The following GAS7 variants were observed in gnomAD, a reference collection of about 807,000 sequenced individuals.
GAS7 encodes the protein growth arrest-specific protein 7.
GAS7 carries 28 observed loss-of-function variants against 71.1 expected under a neutral mutation model. That is an observed-to-expected ratio of 0.39 (90% CI 0.29 to 0.54). The LOEUF (loss-of-function observed/expected upper bound fraction) is 0.54. Among genes scored for constraint, GAS7 ranks in the 20% least tolerant of loss-of-function variants. GAS7 has a pLI of 0.62. For missense variants in GAS7, 436 were observed against 627.8 expected (o/e 0.69, Z 3.27); for synonymous variants, 258 against 245.8 (o/e 1.05, Z -0.46).
At chr17:9,917,388 G>C in intron 13 of GAS7, 47 bp from the exon 14 acceptor site, 2 of 1,291,110 alleles carry the variant, frequency 1.5e-6, no homozygotes, top group Non-Finnish European at 2.3e-6. Flanking sequence ...CGGCGGCCAA[G>C]CCAGGGAGGT....
intron 1 of GAS7, among the ~76,000 whole-genome samples, chr17:10,187,768 G>A (rs1288806951): frequency 6.6e-6 from 1 of 152,112 alleles, no homozygotes; most frequent in African/African-American, 2.4e-5. Flanking sequence ...ATATTTATAA[G>A]AATGCAGTCC....
At chr17:10,170,406 T>C (rs2074327395) in intron 1 of GAS7, among the ~76,000 whole-genome samples, 1 of 151,702 alleles carries the variant, frequency 6.6e-6, no homozygotes, top group African/African-American at 2.4e-5. Flanking sequence ...ACTGACCTCC[T>C]TGCTGTTCCC....
intron 1 of GAS7, among the ~76,000 whole-genome samples, chr17:10,098,221 G>T (rs187576196): frequency 2.6e-5 from 4 of 152,092 alleles, no homozygotes; most frequent in African/African-American, 9.7e-5. Context: ...CTGGAGCCGC[G>T]GGCTACAAGG....
chr17:9,993,850 A>G (rs920598493), intron 2 of GAS7, among the ~76,000 whole-genome samples: 2 of 152,166 alleles, frequency 1.3e-5, no homozygotes, highest in African/African-American at 4.8e-5. Flanking sequence ...TACAAAATCA[A>G]TGTACAAAAA....
rs144516827 is a variant in GAS7 at position 9,948,404 on chromosome 17, G to A, written c.526-1421C>T. 3.5e-3 allele frequency among the ~76,000 whole-genome samples: 527 copies of A among 152,332 alleles called. 2 individuals carry two copies. The highest frequency in any genetic ancestry group is 0.012 in the African/African-American group (493 of 41,570). On this transcript the variant is annotated intron_variant, in intron 5 of 13. Coordinates refer to ENST00000432992, the MANE Select transcript of GAS7 (RefSeq NM_201433.2). ...ACACCTTAAAATTATAATCTGGGGG[G>A]CCGGGCACGGCAGTTCACGCCTGTA... is the stretch of plus-strand genomic sequence containing the variant.
intron 1 of GAS7, among the ~76,000 whole-genome samples, chr17:10,170,807 A>G (rs942256859): frequency 7.9e-5 from 12 of 152,226 alleles, no homozygotes; most frequent in Non-Finnish European, 1.8e-4. Context: ...CCAATGAGAA[A>G]GAAAGTGGCC....
intron 1 of GAS7, among the ~76,000 whole-genome samples, chr17:10,102,791 C>T (rs936303414): frequency 6.6e-6 from 1 of 151,830 alleles, no homozygotes; most frequent in Non-Finnish European, 1.5e-5. Context: ...TTTATGTTCC[C>T]CAGATAATTC....
At chr17:10,160,590 G>A (rs1183502910) in intron 1 of GAS7, among the ~76,000 whole-genome samples, 1 of 152,160 alleles carries the variant, frequency 6.6e-6, no homozygotes, top group Non-Finnish European at 1.5e-5. Context: ...CCAAACCTCT[G>A]TAATCTCACC....
chr17:9,991,264 C>G (rs1215155352), intron 2 of GAS7, among the ~76,000 whole-genome samples: 1 of 152,134 alleles, frequency 6.6e-6, no homozygotes, highest in East Asian at 1.9e-4. Flanking sequence ...TGAAGGGGGG[C>G]TAGAATGCCT....
chr17:9,930,745 T>C (rs1228235668), intron 9 of GAS7, among the ~76,000 whole-genome samples: 1 of 152,238 alleles, frequency 6.6e-6, no homozygotes, highest in East Asian at 1.9e-4. Flanking sequence ...AAAACGGTTT[T>C]TGGCATATGG....
intron 1 of GAS7, among the ~76,000 whole-genome samples, chr17:10,039,360 G>A (rs2072818307): frequency 6.6e-6 from 1 of 152,090 alleles, no homozygotes; most frequent in Admixed American, 6.6e-5. Flanking sequence ...CAGCCTCTTG[G>A]CAATGGTGAA....
intron 3 of GAS7, among the ~76,000 whole-genome samples, chr17:9,980,798 G>A (rs77245386): frequency 0.02 from 3,027 of 152,276 alleles, 95 homozygotes; most frequent in African/African-American, 0.07. Flanking sequence ...AATAGCATGC[G>A]GCTGAGATCT....
intron 1 of GAS7, among the ~76,000 whole-genome samples, chr17:10,050,207 A>T (rs2152235580): frequency 6.6e-6 from 1 of 152,284 alleles, no homozygotes; most frequent in African/African-American, 2.4e-5. Flanking sequence ...ATCACATTTG[A>T]CATCCCCTAA....
chr17:10,042,321 T>G (rs574943007), intron 1 of GAS7, among the ~76,000 whole-genome samples: 1 of 146,816 alleles, frequency 6.8e-6, no homozygotes, highest in Non-Finnish European at 1.5e-5. Context: ...AAAAAGATAA[T>G]TAATAAGAAA....
At chr17:9,979,354 A>T (rs897163921) in intron 3 of GAS7, among the ~76,000 whole-genome samples, 50 of 152,032 alleles carry the variant, frequency 3.3e-4, no homozygotes, top group Admixed American at 5.9e-4. Flanking sequence ...CATGCGGGCA[A>T]TTCTCATCTC....
chr17:10,198,361 G>C lies in GAS7; in HGVS notation c.30C>G (p.Tyr10Ter), dbSNP rs370392546. ...GGCCGTGCCGCTCCCCGGAGAAGGG[G>C]TACAGGGTCCGGCAGCGAGCGCCGG... MSGARCRTL[Y>*]PFSGERHGQG... The change falls in exon 1 of 14, where the codon TAC becomes TAG. Residue 10 changes from tyrosine (Y) to a stop codon, truncating the protein, a stop_gained. Coordinates refer to ENST00000432992, the MANE Select transcript of GAS7 (RefSeq NM_201433.2). LOFTEE classifies it high-confidence loss of function. The C allele has an allele frequency of 6.3e-7, 1 of 1,595,882 alleles. No individual in the cohort carries two copies. Among genetic ancestry groups the C allele is most frequent in the Non-Finnish European group, 8.5e-7 (1 of 1,177,856 alleles).
At chr17:10,120,098 C>CCCCCTG (rs1230215147) in intron 1 of GAS7, among the ~76,000 whole-genome samples, 3 of 151,882 alleles carry the variant, frequency 2.0e-5, no homozygotes, top group African/African-American at 7.3e-5. Flanking sequence ...TCATGCCTGT[C>CCCCCTG]CCCCTGCCCC....
intron 3 of GAS7, among the ~76,000 whole-genome samples, chr17:9,971,672 C>T (rs896656737): frequency 1.1e-4 from 16 of 152,244 alleles, no homozygotes; most frequent in African/African-American, 3.4e-4. Flanking sequence ...GAGACCAGGA[C>T]GATGCGCCAT....
In GAS7 at chr17:10,112,775, AAGAG is replaced by A. The variant is rs1273857826; in HGVS notation, c.183+85429_183+85432del. Among the ~76,000 whole-genome samples, 4 of 150,932 alleles carry A rather than the reference AAGAG, an allele frequency of 2.7e-5. 1 individual carries two copies. The highest frequency in any genetic ancestry group is 9.7e-5 in the African/African-American group (4 of 41,336). On this transcript the variant is annotated intron_variant, in intron 1 of 13. Coordinates refer to ENST00000432992, the MANE Select transcript of GAS7 (RefSeq NM_201433.2). ...AAAGAAAAGAAAAAAGAAAGAAAGA[AAGAG>A]AGAAAGAGAAAGAAAGAAAAGAAAA... is the stretch of plus-strand genomic sequence containing the variant.
Sources: allele counts gnomAD v4.1 joint callset (sites outside exome capture counted in the v4.1 genomes callset), GRCh38; gene constraint gnomAD v4.1.1; transcripts MANE v1.5; gene names NCBI Gene and HGNC (gene_info 2026-07-23, HGNC 2026-07-21).